The following CAST variants were observed in gnomAD, a reference collection of about 807,000 sequenced individuals.
CAST encodes the protein MIR583 host.
A neutral mutation model predicts 119.6 loss-of-function variants in CAST; 76 were observed. The ratio of observed to expected loss-of-function variants is 0.64; its 90% CI spans 0.53 to 0.77. The LOEUF is 0.77. CAST is among the 30% of genes least tolerant of loss of function. The pLI, the probability that CAST is intolerant of heterozygous loss-of-function variation, is 0.00. For missense variants in CAST, 953 were observed against 946.5 expected, an observed-to-expected ratio of 1.01 and a Z score of -0.09; for synonymous variants, 319 against 331.6, an observed-to-expected ratio of 0.96 and a Z score of 0.41.
At chr5:96,281,358 T>G in the CAST span, among the ~76,000 whole-genome samples, 1 of 152,218 alleles carries the variant, frequency 6.6e-6, no homozygotes, top group African/African-American at 2.4e-5. Flanking sequence ...GTTTTTGCTC[T>G]GCCTTTCTCT....
intron 4 of CAST, among the ~76,000 whole-genome samples, chr5:96,724,806 G>A (rs1758961436): frequency 6.7e-6 from 1 of 149,260 alleles, no homozygotes. Flanking sequence ...CCAGGTGACA[G>A]AGCAAGACCC....
the CAST span, among the ~76,000 whole-genome samples, chr5:96,290,453 C>G: frequency 6.8e-6 from 1 of 147,360 alleles, no homozygotes; most frequent in African/African-American, 2.5e-5. Flanking sequence ...CTTTTATTTT[C>G]TATTCAAAAT....
At chr5:96,644,665 T>C (rs907715345) in intron 1 of CAST, among the ~76,000 whole-genome samples, 1 of 152,066 alleles carries the variant, frequency 6.6e-6, no homozygotes, top group African/African-American at 2.4e-5. Context: ...GAAACCAACA[T>C]CAGGATATTA....
chr5:96,153,482 G>A, the CAST span, among the ~76,000 whole-genome samples: 1 of 152,174 alleles, frequency 6.6e-6, no homozygotes, highest in Non-Finnish European at 1.5e-5. Context: ...CGAGAGGAAT[G>A]AAAAGGGGAG....
chr5:96,557,735 G>T (rs1026530056), intron 1 of CAST, among the ~76,000 whole-genome samples: 3 of 152,102 alleles, frequency 2.0e-5, no homozygotes, highest in African/African-American at 7.2e-5. Context: ...AAGAAACTTA[G>T]ACTCCCACAC....
At chr5:95,979,525 T>A in the CAST span, among the ~76,000 whole-genome samples, 1 of 150,536 alleles carries the variant, frequency 6.6e-6, no homozygotes, top group Non-Finnish European at 1.5e-5. Context: ...ATAATTTTTT[T>A]AGTCATCAAT....
chr5:96,037,105 C>A, the CAST span, among the ~76,000 whole-genome samples: 1 of 151,976 alleles, frequency 6.6e-6, no homozygotes, highest in African/African-American at 2.4e-5. Context: ...GCTTCTTTCC[C>A]CACAATCCCC....
chr5:96,213,912 G>A, the CAST span: 1 of 152,078 alleles, frequency 6.6e-6, no homozygotes, highest in Non-Finnish European at 1.5e-5. Flanking sequence ...TTCTATCAGA[G>A]TTAGTCTACA....
At chr5:96,714,044 C>G (rs1432312910) in intron 3 of CAST, among the ~76,000 whole-genome samples, 1 of 152,264 alleles carries the variant, frequency 6.6e-6, no homozygotes, top group Non-Finnish European at 1.5e-5. Context: ...AAGAAACTTT[C>G]GAGGCTGTTG....
intron 1 of CAST, among the ~76,000 whole-genome samples, chr5:96,538,843 G>T (rs1312590992): frequency 6.6e-6 from 1 of 151,504 alleles, no homozygotes; most frequent in Non-Finnish European, 1.5e-5. Flanking sequence ...TGCAGTTTGG[G>T]GTTTAAAAAA....
chr5:96,505,703 A>G, the CAST span, among the ~76,000 whole-genome samples: 1 of 152,192 alleles, frequency 6.6e-6, no homozygotes, highest in African/African-American at 2.4e-5. Context: ...ATCTCAGGCT[A>G]AAAGGACCCA....
chr5:96,323,478 C>T, the CAST span, among the ~76,000 whole-genome samples: 3 of 152,128 alleles, frequency 2.0e-5, no homozygotes, highest in Non-Finnish European at 4.4e-5. Context: ...TTACAAGTAT[C>T]GGGAGCTGCA....
At chr5:96,637,499 TCCTATGGTGAA>T (rs1686928865) in intron 1 of CAST, among the ~76,000 whole-genome samples, 1 of 152,164 alleles carries the variant, frequency 6.6e-6, no homozygotes, top group South Asian at 2.1e-4. Context: ...GCAAATAACT[TCCTATGGTGAA>T]CTGTTGTATG....
intron 1 of CAST, among the ~76,000 whole-genome samples, chr5:96,633,093 T>C (rs988901801): frequency 4.6e-5 from 7 of 152,172 alleles, no homozygotes; most frequent in Non-Finnish European, 7.3e-5. Flanking sequence ...TGCCTCAGCC[T>C]CCTGAGTAGC....
chr5:96,346,738 G>A, the CAST span, among the ~76,000 whole-genome samples: 1 of 152,082 alleles, frequency 6.6e-6, no homozygotes, highest in Non-Finnish European at 1.5e-5. Context: ...TACAGTATGT[G>A]GGAATTGGTG....
chr5:95,998,205 A>G, the CAST span, among the ~76,000 whole-genome samples: 2 of 151,940 alleles, frequency 1.3e-5, no homozygotes, highest in South Asian at 2.1e-4. Context: ...GTTATTTTCC[A>G]TACATTTTCT....
At chr5:96,459,071 G>A in the CAST span, among the ~76,000 whole-genome samples, 2 of 152,112 alleles carry the variant, frequency 1.3e-5, no homozygotes, top group Non-Finnish European at 2.9e-5. Flanking sequence ...AATAAAGTGA[G>A]TGCTTCTATA....
chr5:96,492,632 T>G, the CAST span, among the ~76,000 whole-genome samples: 1 of 152,230 alleles, frequency 6.6e-6, no homozygotes, highest in Non-Finnish European at 1.5e-5. Flanking sequence ...ATAAATATGA[T>G]CGGGATTTCC....
At chr5:96,553,424 G>C (rs1261897525) in intron 1 of CAST, among the ~76,000 whole-genome samples, 2 of 152,092 alleles carry the variant, frequency 1.3e-5, no homozygotes, top group Non-Finnish European at 2.9e-5. Flanking sequence ...CATAATAAGA[G>C]CTATTTATGA....
Sources: allele counts gnomAD v4.1 joint callset (sites outside exome capture counted in the v4.1 genomes callset), GRCh38; gene constraint gnomAD v4.1.1; transcripts MANE v1.5; gene names NCBI Gene and HGNC (gene_info 2026-07-23, HGNC 2026-07-21).